Variants in EPN3 observed in about 807,000 individuals in gnomAD.
EPN3 encodes the protein epsin 3, also known as epsin-3.
In EPN3, 56 loss-of-function variants were observed where a neutral mutation model predicts 55.5. That is an observed-to-expected ratio of 1.01 (90% confidence interval 0.81 to 1.26). The LOEUF (loss-of-function observed/expected upper bound fraction) is 1.26. Among genes scored for constraint, EPN3 ranks in the 50% most tolerant of loss-of-function variants. The probability of loss-of-function intolerance (pLI) is 0.00; values close to 1 mark genes in which losing one functional copy is unlikely to be tolerated. For missense variants in EPN3, 927 were observed against 853.4 expected, an observed-to-expected ratio of 1.09 and a Z score of -1.07; for synonymous variants, 449 against 375.2, an observed-to-expected ratio of 1.20 and a Z score of -2.27.
chr17:50,540,735 G>A, intron 6 of EPN3, 58 bp from the exon 7 acceptor site: 2 of 1,527,474 alleles, frequency 1.3e-6, no homozygotes, highest in Non-Finnish European at 1.8e-6. Flanking sequence ...ACTGGGAAGG[G>A]CCCTGGGCGA....
Position 50,542,263 on chromosome 17 carries a change from A to T in EPN3, c.*106A>T. ...GCCGGTGCTAGTGGAACGCCGAGCC[A>T]GTGGCGGCTGGTATCCCGCGGCGGC... On this transcript the variant is annotated 3_prime_UTR_variant, in exon 10 of 10. Coordinates refer to ENST00000268933, the MANE Select transcript of EPN3 (RefSeq NM_017957.3). 8.0e-7 allele frequency: 1 copy of T among 1,245,218 alleles called. No individual in the cohort carries two copies. Among genetic ancestry groups the T allele is most frequent in the South Asian group, 1.7e-5 (1 of 57,350 alleles). The allele number at this position is 1,245,218 out of a possible 1,614,324, so 77.1% of individuals were successfully genotyped here.
At chr17:50,538,520 C>T (rs1408825258) in intron 3 of EPN3, 5 of 437,034 alleles carry the variant, frequency 1.1e-5, no homozygotes, top group Non-Finnish European at 2.0e-5. Flanking sequence ...ATATGCTTCC[C>T]ACCCCCGCCC....
At chr17:50,539,455 A>G in intron 5 of EPN3, 140 bp downstream of exon 5, 1 of 1,312,614 alleles carries the variant, frequency 7.6e-7, no homozygotes, top group Non-Finnish European at 1.0e-6. Context: ...GGGGTGTAGC[A>G]GCCCTAGTCC....
intron 4 of EPN3, 84 bp downstream of exon 4, chr17:50,539,048 T>C (rs2034807381): frequency 9.8e-6 from 15 of 1,535,340 alleles, no homozygotes; most frequent in Non-Finnish European, 1.2e-5. Flanking sequence ...CTCCTCCCGC[T>C]GTACCCGGTG....
chr17:50,533,022 G>T (rs1038060913), intron 1 of EPN3, 37 bp downstream of exon 1: 1 of 1,225,090 alleles, frequency 8.2e-7, no homozygotes, highest in Non-Finnish European at 1.1e-6. Context: ...TGGCAGTGGC[G>T]GCATGGAAGG....
At chr17:50,541,381 C>A (rs757738584) in intron 8 of EPN3, 48 bp downstream of exon 8, 2 of 1,606,560 alleles carry the variant, frequency 1.2e-6, no homozygotes, top group Non-Finnish European at 1.7e-6. Context: ...GAGGGGCCCA[C>A]CCCGAGCAGC....
chr17:50,541,762 C>T, intron 9 of EPN3, 68 bp downstream of exon 9: 3 of 1,605,290 alleles, frequency 1.9e-6, no homozygotes. Context: ...GCCGGAGGAG[C>T]CCACTCTTCT....
intron 1 of EPN3, among the ~76,000 whole-genome samples, chr17:50,535,160 C>A (rs2034741571): frequency 6.6e-6 from 1 of 152,188 alleles, no homozygotes; most frequent in South Asian, 2.1e-4. Flanking sequence ...ACCAGAGGTC[C>A]ACTATGTGTC....
In EPN3 at chr17:50,536,983, G is replaced by A. The variant is rs746194328; in HGVS notation, c.427G>A (p.Glu143Lys). Residue 143 changes from glutamate (E) to lysine (K), a missense_variant, in exon 2 of 10, where the codon GAG becomes AAG. Coordinates refer to ENST00000268933, the MANE Select transcript of EPN3 (RefSeq NM_017957.3). ...LLKDEERLRQ[E>K]RTHALKTKER... ...CAAGGATGAGGAGCGGCTGCGGCAGGAGCGAACCCACGCCCTCAAGACCAA... is the reference window on the plus strand; with the variant it reads ...CAAGGATGAGGAGCGGCTGCGGCAGAAGCGAACCCACGCCCTCAAGACCAA... The A allele has an allele frequency of 1.6e-5, 26 of 1,613,676 alleles. No individual in the cohort carries two copies. Among genetic ancestry groups the A allele is most frequent in the Non-Finnish European group, 2.2e-5 (26 of 1,180,000 alleles).
chr17:50,534,674 G>A (rs1032496050), intron 1 of EPN3: 3 of 983,350 alleles, frequency 3.1e-6, no homozygotes, highest in East Asian at 2.3e-4. Flanking sequence ...TGTGGGCCAG[G>A]CACTCTCCAC....
chr17:50,535,180 G>T (rs2034741985), intron 1 of EPN3, among the ~76,000 whole-genome samples: 1 of 152,194 alleles, frequency 6.6e-6, no homozygotes, highest in African/African-American at 2.4e-5. Flanking sequence ...CCAGCGTTTT[G>T]GGGCTTTGGA....
At chr17:50,538,357 A>G (rs750885776) in intron 3 of EPN3, 160 bp downstream of exon 3, 414 of 607,662 alleles carry the variant, frequency 6.8e-4, no homozygotes, top group South Asian at 1.3e-3. Context: ...TGTCGCAGGC[A>G]GGGACTGCCT....
At chr17:50,540,625 T>C (rs1184682995) in intron 6 of EPN3, among the ~76,000 whole-genome samples, 168 bp from the exon 7 acceptor site, 3 of 152,174 alleles carry the variant, frequency 2.0e-5, no homozygotes, top group African/African-American at 7.2e-5. Flanking sequence ...TCCCAGTTCC[T>C]GGGGTCACTT....
At position 50,536,868 on chromosome 17, in the gene EPN3, G is replaced by A; in HGVS notation, c.312G>A (p.Gln104=). The stretch of plus-strand genomic sequence containing the variant: ...GCCGCGAGAACCTCTACACCATCCA[G>A]ACACTCAAGGACTTCCAGTACATCG... The part of the protein sequence containing the change: ...HQCRENLYTI[Q]TLKDFQYIDR... Residue 104 remains glutamine (Q), a synonymous_variant, in exon 2 of 10, where the codon CAG becomes CAA. Transcript: ENST00000268933. 1 of 1,614,188 alleles carries A rather than the reference G, an allele frequency of 6.2e-7. No homozygotes were observed. The highest frequency in any genetic ancestry group is 8.5e-7 in the Non-Finnish European group (1 of 1,180,048).
chr17:50,538,767 T>C (rs2034801417), intron 3 of EPN3, 117 bp from the exon 4 acceptor site: 2 of 709,336 alleles, frequency 2.8e-6, no homozygotes, highest in Admixed American at 6.7e-5. Flanking sequence ...AAATGGCCCA[T>C]GCACACTGAG....
Position 50,538,193 on chromosome 17 carries a change from AG to A in EPN3, c.678del (p.Lys227SerfsTer21). ...LALAMSREEA[E>X]KPVPPASHRD... ...CTCGCCATGAGCCGTGAGGAGGCAGAGAAGGTGAGGCCATGCAGCCCCACTG... is the reference window on the plus strand; with the variant it reads ...CTCGCCATGAGCCGTGAGGAGGCAGAAAGGTGAGGCCATGCAGCCCCACTG... On this transcript the variant is annotated frameshift_variant, in exon 3 of 10. Transcript: ENST00000268933. LOFTEE classifies it high-confidence loss of function. The A allele has an allele frequency of 6.2e-7, 1 of 1,609,794 alleles. No individual in the cohort carries two copies. Among genetic ancestry groups the A allele is most frequent in the Non-Finnish European group, 8.5e-7 (1 of 1,179,528 alleles).
Position 50,540,846 on chromosome 17 carries a change from C to A in EPN3, c.1033C>A (p.Pro345Thr), listed in dbSNP as rs774659229. The change falls in exon 7 of 10, where the codon CCC (proline) becomes ACC (threonine). Residue 345 changes from proline to threonine, a missense_variant. Pro to Thr is a conservative substitution (Grantham distance 38). Transcript: ENST00000268933. ...ATCCTCCTGGGGGCCTTCTGCAGACCCCTGGTCTCCGATCCCCTCAGGAAC... is the reference window on the plus strand; with the variant it reads ...ATCCTCCTGGGGGCCTTCTGCAGACACCTGGTCTCCGATCCCCTCAGGAAC... ...SGSSWGPSAD[P>T]WSPIPSGTVL... The A allele has an allele frequency of 1.1e-5, 18 of 1,613,914 alleles. 2 individuals are homozygous for A. In the South Asian group the frequency reaches 2.0e-4, roughly 18 times the overall value.
In EPN3 at chr17:50,542,406, C is replaced by G. The variant is rs901381337; in HGVS notation, c.*249C>G. On this transcript the variant is annotated 3_prime_UTR_variant, in exon 10 of 10. Coordinates refer to ENST00000268933, the MANE Select transcript of EPN3 (RefSeq NM_017957.3). ...TGGACTTTTTGCGGGGTGTGGCGGC[C>G]GGGTCTCGACCACAGCGTGGATCAC... The G allele has an allele frequency of 6.9e-6, 3 of 435,322 alleles. No homozygotes were observed. The highest frequency in any genetic ancestry group is 1.2e-5 in the Non-Finnish European group (3 of 249,024). The allele number at this position is 435,322 out of a possible 1,614,324, so 27.0% of individuals were successfully genotyped here.
chr17:50,538,118 A>C lies in EPN3; in HGVS notation c.602A>C (p.Gln201Pro). 1 of 1,614,068 alleles carries C rather than the reference A, an allele frequency of 6.2e-7. No homozygotes were observed. Among genetic ancestry groups the C allele is most frequent in the Non-Finnish European group, 8.5e-7 (1 of 1,180,002 alleles). The change falls in exon 3 of 10, where the codon CAG becomes CCG. Residue 201 changes from glutamine to proline, a missense_variant. Transcript: ENST00000268933. ...SSPRYTSDLE[Q>P]ARPQTSGEEE... Reference sequence around the variant, plus strand: ...CCCCGCTATACCTCCGACCTGGAGCAGGCCCGGCCTCAGACGTCAGGGGAA... The same window carrying C: ...CCCCGCTATACCTCCGACCTGGAGCCGGCCCGGCCTCAGACGTCAGGGGAA...
Sources: gnomAD v4.1 joint callset for allele counts (sites outside exome capture counted in the v4.1 genomes callset) on GRCh38, gnomAD v4.1.1 for gene constraint, MANE v1.5 for transcripts, NCBI Gene and HGNC (gene_info 2026-07-23, HGNC 2026-07-21) for gene names.